Variants in COX10 observed in about 807,000 individuals in gnomAD.
COX10 encodes cytochrome c oxidase assembly factor heme A:farnesyltransferase COX10, also known as protoheme IX farnesyltransferase, mitochondrial.
In COX10, 27 loss-of-function variants were observed where a neutral mutation model predicts 37.3. That is an observed-to-expected ratio of 0.72 (90% CI 0.53 to 1.00). The LOEUF (loss-of-function observed/expected upper bound fraction) is 1.00, where lower values mean the gene tolerates loss of function less well. COX10 is among the 50% of genes least tolerant of loss of function. The pLI, the probability that COX10 is intolerant of heterozygous loss-of-function variation, is 0.00. For missense variants in COX10, 475 were observed against 563.2 expected (o/e 0.84, Z 1.59); for synonymous variants, 222 against 229.1 (o/e 0.97, Z 0.28).
intron 4 of COX10, among the ~76,000 whole-genome samples, chr17:14,138,617 C>T (rs1251857021): frequency 6.6e-6 from 1 of 152,104 alleles, no homozygotes; most frequent in Non-Finnish European, 1.5e-5. Flanking sequence ...GTCCTGTACC[C>T]CAGTGCCTGG....
Position 14,158,910 on chromosome 17 carries a change from G to A in COX10, c.625-967G>A, listed in dbSNP as rs1434265248. ...GATTTCTTAAATAATAACCTAATCA[G>A]CACATTTTTTGAGTACTCTGTTTTA... On this transcript the variant is annotated intron_variant, in intron 4 of 6. Coordinates refer to ENST00000261643, the MANE Select transcript of COX10 (RefSeq NM_001303.4). Among the ~76,000 whole-genome samples the A allele has an allele frequency of 2.0e-5, 3 of 152,242 alleles. No individual in the cohort carries two copies. In the East Asian group the frequency reaches 5.8e-4, roughly 29 times the overall value.
chr17:14,145,697 CATG>C (rs368890991), intron 4 of COX10, among the ~76,000 whole-genome samples: 7 of 152,212 alleles, frequency 4.6e-5, no homozygotes, highest in African/African-American at 1.7e-4. Context: ...TAGAAAGTAA[CATG>C]ATAAGATTTG....
intron 3 of COX10, among the ~76,000 whole-genome samples, chr17:14,084,938 G>A (rs1458940266): frequency 2.0e-5 from 3 of 152,172 alleles, no homozygotes; most frequent in Non-Finnish European, 2.9e-5. Flanking sequence ...GGGATTACAG[G>A]CGTGAGTCAC....
intron 4 of COX10, among the ~76,000 whole-genome samples, chr17:14,142,253 A>T (rs1224190345): frequency 1.3e-5 from 2 of 152,220 alleles, no homozygotes; most frequent in Non-Finnish European, 2.9e-5. Context: ...AGAAAACTAG[A>T]TGCTACTTTA....
intron 5 of COX10, among the ~76,000 whole-genome samples, chr17:14,172,310 T>A (rs1191247614): frequency 6.6e-6 from 1 of 152,160 alleles, no homozygotes; most frequent in African/African-American, 2.4e-5. Context: ...GGTAGTTCTA[T>A]TTTTAGTTAT....
intron 4 of COX10, among the ~76,000 whole-genome samples, chr17:14,117,215 A>C (rs1916133296): frequency 6.6e-6 from 1 of 152,070 alleles, no homozygotes; most frequent in Admixed American, 6.6e-5. Context: ...TGTTTTTCTG[A>C]TCCTGTCCCT....
At chr17:14,104,207 C>A (rs559468734) in intron 4 of COX10, among the ~76,000 whole-genome samples, 20 of 152,244 alleles carry the variant, frequency 1.3e-4, no homozygotes, top group African/African-American at 4.8e-4. Context: ...TTGGAAGCAT[C>A]ACAACACTTT....
chr17:14,086,956 C>T (rs1427033998), intron 3 of COX10, among the ~76,000 whole-genome samples: 1 of 152,184 alleles, frequency 6.6e-6, no homozygotes, highest in African/African-American at 2.4e-5. Flanking sequence ...TTTGTTCCAT[C>T]TATTTATTAC....
chr17:14,099,611 A>G (rs543931539), intron 3 of COX10, among the ~76,000 whole-genome samples: 10 of 151,798 alleles, frequency 6.6e-5, no homozygotes, highest in South Asian at 4.2e-4. Flanking sequence ...CATGTCCCCA[A>G]ATATTCTTTG....
intron 4 of COX10, among the ~76,000 whole-genome samples, chr17:14,125,874 G>A (rs1916331455): frequency 6.6e-6 from 1 of 152,138 alleles, no homozygotes; most frequent in Admixed American, 6.5e-5. Context: ...TGTGGGTGAG[G>A]AGGAGAACTA....
At chr17:14,199,263 G>GTGCC (rs1305626538) in intron 6 of COX10, among the ~76,000 whole-genome samples, 3 of 152,172 alleles carry the variant, frequency 2.0e-5, no homozygotes, top group Non-Finnish European at 2.9e-5. Flanking sequence ...AGATGACGGT[G>GTGCC]TGCCAGCCTC....
At chr17:14,086,669 T>A (rs1555533866) in intron 3 of COX10, among the ~76,000 whole-genome samples, 1 of 152,194 alleles carries the variant, frequency 6.6e-6, no homozygotes, top group Non-Finnish European at 1.5e-5. Flanking sequence ...ATACATCAAA[T>A]AATGATTAAG....
intron 5 of COX10, among the ~76,000 whole-genome samples, chr17:14,170,427 T>C (rs1382433258): frequency 9.3e-6 from 1 of 107,740 alleles, no homozygotes; most frequent in Admixed American, 9.9e-5. Flanking sequence ...TATCATGGTC[T>C]GATGAAAAAT....
intron 1 of COX10, among the ~76,000 whole-genome samples, chr17:14,073,395 G>C (rs1915072912): frequency 6.6e-6 from 1 of 152,118 alleles, no homozygotes; most frequent in African/African-American, 2.4e-5. Context: ...TTAAGTAATG[G>C]TTTTATGTAC....
intron 3 of COX10, among the ~76,000 whole-genome samples, chr17:14,081,878 G>C (rs751356854): frequency 6.6e-6 from 1 of 152,192 alleles, no homozygotes; most frequent in Non-Finnish European, 1.5e-5. Flanking sequence ...ATGAATGGTG[G>C]TGTTGAGACT....
intron 5 of COX10, among the ~76,000 whole-genome samples, chr17:14,175,362 A>G (rs1194715899): frequency 2.0e-5 from 3 of 151,966 alleles, no homozygotes; most frequent in African/African-American, 7.3e-5. Context: ...ACTGCCTGGA[A>G]TCAAAGCCTA....
chr17:14,152,344 A>G (rs1276324083), intron 4 of COX10, among the ~76,000 whole-genome samples: 1 of 152,184 alleles, frequency 6.6e-6, no homozygotes, highest in African/African-American at 2.4e-5. Flanking sequence ...ATGAGAACCA[A>G]GTGAAACAGG....
At chr17:14,095,439 G>A (rs1597498454) in intron 3 of COX10, among the ~76,000 whole-genome samples, 1 of 152,208 alleles carries the variant, frequency 6.6e-6, no homozygotes, top group South Asian at 2.1e-4. Context: ...ACCTTTAAGT[G>A]GTTCCCTGAG....
At position 14,191,851 on chromosome 17, in the gene COX10, C is replaced by G. The variant is rs1906210521; in HGVS notation, c.696-138C>G. On this transcript the variant is annotated intron_variant, in intron 5 of 6. Transcript: ENST00000261643. ...AAGTTTGTTTCATAAAGAGGATTCC[C>G]CATATCCAGGAATCAGCCAGATCAG... 4.8e-6 allele frequency: 4 copies of G among 838,114 alleles called. No individual in the cohort carries two copies. In the Admixed American group the frequency reaches 6.1e-5, roughly 13 times the overall value. 51.9% of individuals were successfully genotyped at this position (838,114 alleles called of 1,614,324 possible).
Sources: allele counts gnomAD v4.1 joint callset (sites outside exome capture counted in the v4.1 genomes callset), GRCh38; gene constraint gnomAD v4.1.1; transcripts MANE v1.5; gene names NCBI Gene and HGNC (gene_info 2026-07-23, HGNC 2026-07-21).